FREM1: variants seen among roughly 807,000 people sequenced by gnomAD.
The protein encoded by FREM1 is FRAS1 related extracellular matrix 1, also known as FRAS1-related extracellular matrix protein 1.
In FREM1, 220 loss-of-function variants were observed where a neutral mutation model predicts 210.1. The ratio of observed to expected loss-of-function variants is 1.05; its 90% CI spans 0.94 to 1.17. FREM1 has a LOEUF of 1.17. Among genes scored for constraint, FREM1 ranks in the 50% most tolerant of loss-of-function variants. The pLI is 0.00. For missense variants in FREM1, 3,454 were observed against 2,675.5 expected (o/e 1.29, Z -6.42); for synonymous variants, 1,189 against 980.2 (o/e 1.21, Z -3.98).
Position 14,806,740 on chromosome 9 carries a change from A to C in FREM1, c.3195T>G (p.Val1065=). The change falls in exon 18 of 37, where the codon GTT becomes GTG. Residue 1065 remains valine, a synonymous_variant. Coordinates refer to ENST00000380880, the MANE Select transcript of FREM1 (RefSeq NM_001379081.2). ...CGAGGTAGCCAAACTGAGGAGGAGA[A>C]ACCAAAACAAATTCCAAGTCATCTG... The part of the protein sequence containing the change: ...TAADDLEFVL[V]SPPQFGYLEN... 6.2e-7 allele frequency: 1 copy of C among 1,605,410 alleles called. No homozygotes were observed. The highest frequency in any genetic ancestry group is 8.5e-7 in the Non-Finnish European group (1 of 1,175,776).
At chr9:14,823,435 C>T (rs1449360246) in intron 12 of FREM1, 108 bp from the exon 13 acceptor site, 1 of 881,886 alleles carries the variant, frequency 1.1e-6, no homozygotes. Context: ...ACTGTAAATG[C>T]CACCATCATC....
intron 20 of FREM1, among the ~76,000 whole-genome samples, chr9:14,799,041 G>A (rs1159303017): frequency 6.6e-6 from 1 of 152,142 alleles, no homozygotes; most frequent in East Asian, 1.9e-4. Context: ...CACTTTGGAA[G>A]GCGAGTGCAG....
rs1478271126 is a variant in FREM1, at chr9:14,845,983, T to C, written c.1370A>G (p.Gln457Arg). The C allele has an allele frequency of 1.2e-5, 20 of 1,613,524 alleles. No individual in the cohort carries two copies. The highest frequency in any genetic ancestry group is 1.6e-5 in the Non-Finnish European group (19 of 1,179,706). ...AVRLVTVGGLQHGWLTLRGGK... is the reference protein window; with the variant it reads ...AVRLVTVGGLRHGWLTLRGGK... ...ACCTCTTAAAGTCAGCCATCCATGCTGCAGGCCACCAACGGTGACTAGCCG... is the reference window on the plus strand; with the variant it reads ...ACCTCTTAAAGTCAGCCATCCATGCCGCAGGCCACCAACGGTGACTAGCCG... Residue 457 changes from glutamine to arginine, a missense_variant, in exon 8 of 37, where the codon CAG (glutamine) becomes CGG (arginine). Transcript: ENST00000380880.
intron 10 of FREM1, among the ~76,000 whole-genome samples, chr9:14,826,980 G>C (rs1441713536): frequency 6.6e-6 from 1 of 152,156 alleles, no homozygotes; most frequent in Non-Finnish European, 1.5e-5. Flanking sequence ...CAGGTATTTT[G>C]CCATAGCAGC....
intron 1 of FREM1, among the ~76,000 whole-genome samples, chr9:14,890,494 G>C (rs140815288): frequency 3.9e-5 from 6 of 152,288 alleles, no homozygotes; most frequent in Middle Eastern, 6.8e-3. Flanking sequence ...TTGCAGAAAG[G>C]AGCCTTTTTA....
intron 6 of FREM1, among the ~76,000 whole-genome samples, chr9:14,849,102 G>T (rs1402686429): frequency 1.3e-5 from 2 of 152,174 alleles, no homozygotes; most frequent in African/African-American, 4.8e-5. Context: ...AAAGGTGGAG[G>T]ATCTAGAGAA....
chr9:14,738,507 T>A (rs1840819595), intron 36 of FREM1, among the ~76,000 whole-genome samples: 1 of 152,140 alleles, frequency 6.6e-6, no homozygotes, highest in African/African-American at 2.4e-5. Context: ...CAGTGAGTCA[T>A]TATGGATGTA....
chr9:14,842,037 C>A (rs1343170200), intron 9 of FREM1, among the ~76,000 whole-genome samples: 1 of 152,152 alleles, frequency 6.6e-6, no homozygotes, highest in East Asian at 1.9e-4. Flanking sequence ...GTTCTATCAC[C>A]TTGCTCGGCT....
At chr9:14,909,737 A>C (rs1160436910) in intron 1 of FREM1, among the ~76,000 whole-genome samples, 177 bp downstream of exon 1, 1 of 152,266 alleles carries the variant, frequency 6.6e-6, no homozygotes, top group African/African-American at 2.4e-5. Context: ...GTTTGTTAAC[A>C]CTGCAAGTTG....
rs1817333642 is a variant in FREM1 at position 14,801,761 on chromosome 9, G to C, written c.3585C>G (p.Leu1195=). The C allele has an allele frequency of 6.2e-7, 1 of 1,613,874 alleles. No homozygotes were observed. The highest frequency in any genetic ancestry group is 1.1e-5 in the South Asian group (1 of 91,080). The change falls in exon 20 of 37, where the codon CTC becomes CTG. Residue 1195 remains leucine (L), a synonymous_variant. Coordinates refer to ENST00000380880, the MANE Select transcript of FREM1 (RefSeq NM_001379081.2). Reference sequence around the variant, plus strand: ...CTTTGCTAAACCCCCTATCGATGAGGAGGCCATGGCGTGGCTTTTGAGTGA... The same window carrying C: ...CTTTGCTAAACCCCCTATCGATGAGCAGGCCATGGCGTGGCTTTTGAGTGA... ...FSITQKPRHG[L]LIDRGFSKDF...
chr9:14,856,835 CAAA>C (rs754857691), intron 5 of FREM1, among the ~76,000 whole-genome samples: 11 of 78,082 alleles, frequency 1.4e-4, no homozygotes, highest in African/African-American at 1.8e-4. Context: ...GACTCCGTCT[CAAA>C]AAAAAAAAAA....
intron 35 of FREM1, among the ~76,000 whole-genome samples, chr9:14,743,997 T>A (rs576872936): frequency 6.6e-6 from 1 of 152,236 alleles, no homozygotes; most frequent in African/African-American, 2.4e-5. Context: ...CGGAAGAATG[T>A]CTTATTTGTT....
Position 14,819,289 on chromosome 9 carries a change from G to T in FREM1, c.2491C>A (p.Pro831Thr), listed in dbSNP as rs1438943666. 1 of 1,613,838 alleles carries T rather than the reference G, an allele frequency of 6.2e-7. No homozygotes were observed. Among genetic ancestry groups the T allele is most frequent in the East Asian group, 2.2e-5 (1 of 44,860 alleles). The change falls in exon 14 of 37, where the codon CCT (proline) becomes ACT (threonine). Residue 831 changes from proline to threonine, a missense_variant. Physicochemically the swap from Pro to Thr is conservative, Grantham distance 38. Coordinates refer to ENST00000380880, the MANE Select transcript of FREM1 (RefSeq NM_001379081.2). ...LHGRVELNGF[P>T]LNSGGTFSWG... is the part of the protein sequence containing the mutation. ...GAAAATGTGCCCCCTGAATTTAGAGGAAATCCATTCAGCTCCACCCTTCCG... is the reference window on the plus strand; with the variant it reads ...GAAAATGTGCCCCCTGAATTTAGAGTAAATCCATTCAGCTCCACCCTTCCG...
At chr9:14,821,195 T>C (rs984673380) in intron 13 of FREM1, among the ~76,000 whole-genome samples, 8 of 152,102 alleles carry the variant, frequency 5.3e-5, no homozygotes, top group African/African-American at 1.9e-4. Flanking sequence ...ACTCCTGTGG[T>C]GGGTCTCACT....
intron 1 of FREM1, among the ~76,000 whole-genome samples, chr9:14,884,070 A>T (rs1564165853): frequency 6.6e-6 from 1 of 152,144 alleles, no homozygotes; most frequent in African/African-American, 2.4e-5. Flanking sequence ...CTCTACTAAA[A>T]ATACAAAAAT....
Position 14,910,021 on chromosome 9 carries a change from G to C in FREM1, c.-375C>G, listed in dbSNP as rs1204817196. 6.6e-6 allele frequency: 1 copy of C among 152,228 alleles called. No individual in the cohort carries two copies. Among genetic ancestry groups the C allele is most frequent in the Non-Finnish European group, 1.5e-5 (1 of 68,054 alleles). 9.4% of individuals were successfully genotyped at this position (152,228 alleles called of 1,614,324 possible). A position where few individuals can be genotyped will look rare whatever the true frequency, so the allele number is the denominator to read the frequency against. ...CTGGTTTAAAGGGCTTTGAGAGGAA[G>C]GGGGAGGAAAAAGAACCCCGGGAAG... On this transcript the variant is annotated 5_prime_UTR_variant, in exon 1 of 37. Coordinates refer to ENST00000380880, the MANE Select transcript of FREM1 (RefSeq NM_001379081.2).
At chr9:14,898,885 G>A (rs924088372) in intron 1 of FREM1, among the ~76,000 whole-genome samples, 5 of 152,208 alleles carry the variant, frequency 3.3e-5, no homozygotes, top group Non-Finnish European at 7.4e-5. Flanking sequence ...GAAAGTAGGG[G>A]TTGGGAAGTG....
At chr9:14,889,671 ACTCTGGAGAGGGAGCCCTCC>A in intron 1 of FREM1, among the ~76,000 whole-genome samples, 1 of 152,074 alleles carries the variant, frequency 6.6e-6, no homozygotes, top group Admixed American at 6.6e-5. Context: ...CAGACTCAGA[ACTCTGGAGAGGGAGCCCTCC>A]CTCAGGCTAT....
At chr9:14,853,089 G>A (rs1828066793) in intron 5 of FREM1, among the ~76,000 whole-genome samples, 1 of 152,204 alleles carries the variant, frequency 6.6e-6, no homozygotes, top group African/African-American at 2.4e-5. Flanking sequence ...CATTGGCACG[G>A]AGCAGGAAGA....
Sources: gnomAD v4.1 joint callset for allele counts (sites outside exome capture counted in the v4.1 genomes callset) on GRCh38, gnomAD v4.1.1 for gene constraint, MANE v1.5 for transcripts, NCBI Gene and HGNC (gene_info 2026-07-23, HGNC 2026-07-21) for gene names.